PHF20L1: variants seen among roughly 807,000 people sequenced by gnomAD.
PHF20L1 encodes PHD finger protein 20-like protein 1.
In PHF20L1, 44 loss-of-function variants were observed where a neutral mutation model predicts 125.5. That is an observed-to-expected ratio of 0.35 (90% CI 0.28 to 0.45). The LOEUF is 0.45. Among genes scored for constraint, PHF20L1 ranks in the 20% least tolerant of loss-of-function variants. The pLI, the probability that PHF20L1 is intolerant of heterozygous loss-of-function variation, is 1.00. For missense variants in PHF20L1, 1,012 were observed against 1,217.2 expected, an observed-to-expected ratio of 0.83 and a Z score of 2.51; for synonymous variants, 380 against 403.1, an observed-to-expected ratio of 0.94 and a Z score of 0.69.
rs1196055001 is a variant in PHF20L1 at position 132,812,097 on chromosome 8, C to T, written c.930+969C>T. 9 of 975,902 alleles carry T rather than the reference C, an allele frequency of 9.2e-6. No individual in the cohort carries two copies. The East Asian group carries it at 8.0e-4, about 87-fold the overall frequency. The allele number at this position is 975,902 out of a possible 1,614,324, so 60.5% of individuals were successfully genotyped here. A position where few individuals can be genotyped will look rare whatever the true frequency, so the allele number is the denominator to read the frequency against. On this transcript the variant is annotated intron_variant, in intron 9 of 20. Coordinates refer to ENST00000395386, the MANE Select transcript of PHF20L1 (RefSeq NM_016018.5). ...GGGTCTTTTAAATTGATTAATATGT[C>T]ATTGAATCATACCTTCTGATTTTCT...
chr8:132,818,248 A>G (rs1048875648), intron 12 of PHF20L1: 1 of 151,952 alleles, frequency 6.6e-6, no homozygotes, highest in African/African-American at 2.4e-5. Flanking sequence ...TAAAATAAAA[A>G]GGCCAATACT....
At chr8:132,793,878 C>G (rs1239734239) in intron 2 of PHF20L1, among the ~76,000 whole-genome samples, 5 of 152,072 alleles carry the variant, frequency 3.3e-5, no homozygotes, top group Non-Finnish European at 7.4e-5. Context: ...ACAAAATTTA[C>G]ATATTTATAT....
In PHF20L1 at chr8:132,804,663, G is replaced by A. The variant is rs748179887; in HGVS notation, c.770G>A (p.Ser257Asn). ...AAGATGGTCTTTCCACAGCCAGAGA[G>A]CACATTATCAAACAAGAGGAAAAAT... ...VPKMVFPQPESTLSNKRKNNQ... is the reference protein window; with the variant it reads ...VPKMVFPQPENTLSNKRKNNQ... The change falls in exon 8 of 21, where the codon AGC becomes AAC. Residue 257 changes from serine (S) to asparagine (N), a missense_variant. Physicochemically the swap from Ser to Asn is conservative, Grantham distance 46 (BLOSUM62 1). This residue lies in a region of PHF20L1 where 134 missense variants were observed against 145.9 expected (regional missense o/e 0.92). Coordinates refer to ENST00000395386, the MANE Select transcript of PHF20L1 (RefSeq NM_016018.5). 6.2e-7 allele frequency: 1 copy of A among 1,608,694 alleles called. No individual in the cohort carries two copies. Among genetic ancestry groups the A allele is most frequent in the South Asian group, 1.1e-5 (1 of 90,908 alleles).
In PHF20L1 at chr8:132,794,810, C is replaced by T; in HGVS notation, c.333C>T (p.Asn111=). The T allele has an allele frequency of 6.2e-7, 1 of 1,601,794 alleles. No homozygotes were observed. The highest frequency in any genetic ancestry group is 8.5e-7 in the Non-Finnish European group (1 of 1,169,712). The change falls in exon 4 of 21, where the codon AAC becomes AAT. Residue 111 remains asparagine (N), a synonymous_variant. Transcript: ENST00000395386. ...ACCCTGCCAAGATTGAAGCAATTAACAAAGAAGGTATGTGTTTGAAATGAT... is the reference window on the plus strand; with the variant it reads ...ACCCTGCCAAGATTGAAGCAATTAATAAAGAAGGTATGTGTTTGAAATGAT... ...RYYPAKIEAI[N]KEGTFTVQFY...
chr8:132,844,786 C>T (rs1421186724), intron 20 of PHF20L1, among the ~76,000 whole-genome samples: 1 of 152,026 alleles, frequency 6.6e-6, no homozygotes, highest in Non-Finnish European at 1.5e-5. Flanking sequence ...ATTGTGTCAT[C>T]ACACAGGAGG....
At chr8:132,835,445 C>A (rs10097664) in intron 15 of PHF20L1, among the ~76,000 whole-genome samples, 2 of 151,784 alleles carry the variant, frequency 1.3e-5, no homozygotes. Context: ...TTTTAGTGTT[C>A]CATCATCATT....
At position 132,824,015 on chromosome 8, in the gene PHF20L1, A is replaced by G. The variant is rs368826117; in HGVS notation, c.1591A>G (p.Thr531Ala). 105 of 1,597,116 alleles carry G rather than the reference A, an allele frequency of 6.6e-5. No homozygotes were observed. The highest frequency in any genetic ancestry group is 8.7e-5 in the Non-Finnish European group (102 of 1,167,368). The change falls in exon 13 of 21, where the codon ACA becomes GCA. Residue 531 changes from threonine (T) to alanine (A), a missense_variant. Physicochemically the swap from Thr to Ala is moderately conservative, Grantham distance 58. Coordinates refer to ENST00000395386, the MANE Select transcript of PHF20L1 (RefSeq NM_016018.5). The part of the protein sequence containing the change: ...GAPAAAGISK[T>A]EKKVKLEDKS... ...CCCCTAACCCACAGGAATATCGAAAACAGAAAAAAAAGTGAAATTGGAAGA... is the reference window on the plus strand; with the variant it reads ...CCCCTAACCCACAGGAATATCGAAAGCAGAAAAAAAAGTGAAATTGGAAGA...
chr8:132,828,635 A>G (rs1262974255), intron 14 of PHF20L1, among the ~76,000 whole-genome samples: 1 of 152,090 alleles, frequency 6.6e-6, no homozygotes, highest in Non-Finnish European at 1.5e-5. Context: ...TGTTTTGATT[A>G]ACATAATTGG....
intron 12 of PHF20L1, among the ~76,000 whole-genome samples, chr8:132,822,128 C>G (rs551848243): frequency 6.6e-6 from 1 of 151,968 alleles, no homozygotes; most frequent in South Asian, 2.1e-4. Flanking sequence ...CAGTTTTACT[C>G]TTGAAATTTT....
intron 18 of PHF20L1, 22 bp downstream of exon 18, chr8:132,839,604 G>A: frequency 6.3e-7 from 1 of 1,576,032 alleles, no homozygotes; most frequent in Non-Finnish European, 8.7e-7. Context: ...GCAGCAAAGG[G>A]AGGGTCACAC....
intron 2 of PHF20L1, among the ~76,000 whole-genome samples, chr8:132,793,761 C>G (rs1244238828): frequency 6.6e-6 from 1 of 152,084 alleles, no homozygotes; most frequent in Non-Finnish European, 1.5e-5. Flanking sequence ...CTGAGCCTTA[C>G]CATCATTGTT....
In PHF20L1 at chr8:132,794,400, G is replaced by C. The variant is rs370745494; in HGVS notation, c.84-10G>C. 6.4e-7 allele frequency: 1 copy of C among 1,569,272 alleles called. No individual in the cohort carries two copies. The highest frequency in any genetic ancestry group is 1.4e-5 in the African/African-American group (1 of 73,730). On this transcript the variant is annotated splice_polypyrimidine_tract_variant and intron_variant, in intron 2 of 20. Coordinates refer to ENST00000395386, the MANE Select transcript of PHF20L1 (RefSeq NM_016018.5). The stretch of plus-strand genomic sequence containing the variant: ...ATTTTCTCTTTATATGAAGCATTTT[G>C]ATTTTTGAGGTATCCATCACGAATT...
rs773078787 is a variant in PHF20L1, at chr8:132,839,527, G to A, written c.2332G>A (p.Val778Ile). Residue 778 changes from valine to isoleucine, a missense_variant, in exon 18 of 21, where the codon GTC (valine) becomes ATC (isoleucine). Coordinates refer to ENST00000395386, the MANE Select transcript of PHF20L1 (RefSeq NM_016018.5). ...IVSTHHLLAD[V>I]YGVTEVLHGL... is the part of the protein sequence containing the mutation. ...TTCTACACATCACCTGCTTGCTGAT[G>A]TCTATGGTGTTACAGAAGTGCTACA... 6 of 1,613,534 alleles carry A rather than the reference G, an allele frequency of 3.7e-6. No homozygotes were observed. The highest frequency in any genetic ancestry group is 1.3e-5 in the African/African-American group (1 of 74,982).
At chr8:132,798,280 T>G (rs1427639449) in intron 4 of PHF20L1, among the ~76,000 whole-genome samples, 1 of 152,044 alleles carries the variant, frequency 6.6e-6, no homozygotes, top group East Asian at 1.9e-4. Flanking sequence ...CTTTAAAGTC[T>G]GGAACTACAA....
intron 14 of PHF20L1, among the ~76,000 whole-genome samples, chr8:132,830,490 C>T (rs967632296): frequency 2.0e-5 from 3 of 152,060 alleles, no homozygotes; most frequent in African/African-American, 7.2e-5. Context: ...CAGACCAATG[C>T]GTCTCTTATA....
rs16904740 is a variant in PHF20L1, at chr8:132,801,441, G to A, written c.507+2269G>A. On this transcript the variant is annotated intron_variant, in intron 6 of 20. Coordinates refer to ENST00000395386, the MANE Select transcript of PHF20L1 (RefSeq NM_016018.5). ...TGCGAAGTGATTCCTTTAACCCAAAGTTTCTGATTTCAAACACAGTGCCCT... is the reference window on the plus strand; with the variant it reads ...TGCGAAGTGATTCCTTTAACCCAAAATTTCTGATTTCAAACACAGTGCCCT... 3.9e-3 allele frequency among the ~76,000 whole-genome samples: 595 copies of A among 151,720 alleles called. 7 individuals are homozygous for A. Among genetic ancestry groups the A allele is most frequent in the African/African-American group, 0.013 (557 of 41,492 alleles).
intron 14 of PHF20L1, among the ~76,000 whole-genome samples, chr8:132,831,080 C>T (rs967976767): frequency 6.6e-6 from 1 of 152,016 alleles, no homozygotes; most frequent in African/African-American, 2.4e-5. Context: ...TCTGAACTGT[C>T]CCCCCACTTC....
intron 12 of PHF20L1, among the ~76,000 whole-genome samples, chr8:132,819,956 G>T (rs1835397502): frequency 6.6e-6 from 1 of 151,840 alleles, no homozygotes; most frequent in Non-Finnish European, 1.5e-5. Context: ...AATTCACACT[G>T]TTGAGTTTAG....
intron 8 of PHF20L1, chr8:132,808,389 G>A (rs975590536): frequency 2.0e-5 from 3 of 151,858 alleles, no homozygotes; most frequent in African/African-American, 7.3e-5. Context: ...TTTACTACTT[G>A]TGGTACCTTA....
Sources: allele counts gnomAD v4.1 joint callset (sites outside exome capture counted in the v4.1 genomes callset), GRCh38; gene constraint gnomAD v4.1.1; regional missense constraint gnomAD v4.1.1; transcripts MANE v1.5; gene names NCBI Gene and HGNC (gene_info 2026-07-23, HGNC 2026-07-21).